The following COG5 variants were observed in gnomAD, a reference collection of about 807,000 sequenced individuals.
The protein encoded by COG5 is component of oligomeric golgi complex 5, also known as conserved oligomeric Golgi complex subunit 5.
In COG5, 86 loss-of-function variants were observed where a neutral mutation model predicts 110.4. That is an observed-to-expected ratio of 0.78 (90% CI 0.65 to 0.93). COG5 has a LOEUF of 0.93. Ranked by LOEUF, COG5 falls within the 40% of genes least tolerant of loss-of-function variation. The pLI is 0.00. For missense variants in COG5, 1,077 were observed against 987.0 expected, an observed-to-expected ratio of 1.09 and a Z score of -1.22; for synonymous variants, 360 against 334.6, an observed-to-expected ratio of 1.08 and a Z score of -0.83.
At chr7:107,476,447 T>C (rs376588790) in intron 6 of COG5, among the ~76,000 whole-genome samples, 2 of 151,606 alleles carry the variant, frequency 1.3e-5, no homozygotes, top group Non-Finnish European at 3.0e-5. Flanking sequence ...TTGTTTTATT[T>C]CCACACTGAA....
At chr7:107,372,504 A>C in intron 8 of COG5, 91 bp downstream of exon 8, 1 of 1,234,576 alleles carries the variant, frequency 8.1e-7, no homozygotes, top group Non-Finnish European at 1.2e-6. Flanking sequence ...GAGTCATTAG[A>C]TTGCTTTGAA....
intron 7 of COG5, among the ~76,000 whole-genome samples, chr7:107,385,793 G>A (rs1038325608): frequency 1.3e-5 from 2 of 150,036 alleles, no homozygotes; most frequent in African/African-American, 4.9e-5. Context: ...CCTTGCCAAC[G>A]CTTGTTATTT....
intron 14 of COG5, among the ~76,000 whole-genome samples, chr7:107,259,769 T>G (rs62483640): frequency 0.19 from 28,772 of 152,072 alleles, 3,343 homozygotes; most frequent in East Asian, 0.33. Context: ...TATTTCAATT[T>G]GTTTTGTGTG....
At chr7:107,335,976 C>T (rs75539395) in intron 10 of COG5, among the ~76,000 whole-genome samples, 2,859 of 151,996 alleles carry the variant, frequency 0.019, 90 homozygotes, top group African/African-American at 0.064. Flanking sequence ...ATAAAGAAAA[C>T]GTTAACGTAT....
intron 6 of COG5, among the ~76,000 whole-genome samples, chr7:107,454,327 CTG>C (rs1308603572): frequency 2.4e-4 from 36 of 152,228 alleles, no homozygotes; most frequent in Non-Finnish European, 4.4e-4. Context: ...TGTTTTACCT[CTG>C]GGAGTTGCAG....
intron 5 of COG5, among the ~76,000 whole-genome samples, chr7:107,528,927 A>T (rs1466627828): frequency 6.6e-6 from 1 of 151,208 alleles, no homozygotes; most frequent in Non-Finnish European, 1.5e-5. Flanking sequence ...AACATAAAAC[A>T]AACATATATT....
intron 6 of COG5, among the ~76,000 whole-genome samples, chr7:107,449,633 T>C (rs777822105): frequency 2.0e-5 from 3 of 152,210 alleles, no homozygotes; most frequent in Admixed American, 6.5e-5. Context: ...CTTAGTGATG[T>C]TGTTGGAAGT....
intron 6 of COG5, among the ~76,000 whole-genome samples, chr7:107,482,672 C>T (rs1293009934): frequency 2.6e-5 from 4 of 151,880 alleles, no homozygotes; most frequent in African/African-American, 9.7e-5. Context: ...ATACTATAAT[C>T]CAGTACTACA....
intron 5 of COG5, among the ~76,000 whole-genome samples, chr7:107,538,753 G>GA (rs34214783): frequency 2.4e-3 from 332 of 140,112 alleles, no homozygotes; most frequent in African/African-American, 3.4e-3. Context: ...CCCAAGAATT[G>GA]AAAAAAAAAA....
At chr7:107,439,040 C>T (rs1794542954) in intron 6 of COG5, among the ~76,000 whole-genome samples, 1 of 152,120 alleles carries the variant, frequency 6.6e-6, no homozygotes, top group Non-Finnish European at 1.5e-5. Context: ...ATCACCACTT[C>T]CTGACCTCTT....
Position 107,362,054 on chromosome 7 carries a change from A to G in COG5, c.1005T>C (p.Cys335=). ...ATACCTTAACTATTTCTTCAATGAA[A>G]CAAATGTGAGAAACAGGATCTCTCT... ...AKKRDPVSHI[C]FIEEIVKDGQ... is the part of the protein sequence containing the mutation. The change falls in exon 10 of 22, where the codon TGT becomes TGC. Residue 335 remains cysteine (C), a synonymous_variant. Coordinates refer to ENST00000297135, the MANE Select transcript of COG5 (RefSeq NM_006348.5). 1 of 1,606,924 alleles carries G rather than the reference A, an allele frequency of 6.2e-7. No individual in the cohort carries two copies. The highest frequency in any genetic ancestry group is 8.5e-7 in the Non-Finnish European group (1 of 1,174,328).
At chr7:107,439,434 TACC>T (rs896146752) in intron 6 of COG5, among the ~76,000 whole-genome samples, 1 of 152,190 alleles carries the variant, frequency 6.6e-6, no homozygotes, top group Non-Finnish European at 1.5e-5. Context: ...CTTTTGTTCC[TACC>T]ACCACCAAAC....
chr7:107,505,975 G>T (rs1046161949), intron 6 of COG5, among the ~76,000 whole-genome samples: 2 of 152,174 alleles, frequency 1.3e-5, no homozygotes, highest in Non-Finnish European at 1.5e-5. Context: ...AGCTCTGATG[G>T]GGGTGGCAGG....
intron 6 of COG5, among the ~76,000 whole-genome samples, chr7:107,449,286 T>C (rs1413144849): frequency 6.6e-6 from 1 of 152,174 alleles, no homozygotes; most frequent in African/African-American, 2.4e-5. Context: ...GGCACATGTA[T>C]ACGTGCACGT....
intron 16 of COG5, among the ~76,000 whole-genome samples, chr7:107,255,586 G>A (rs1251137395): frequency 6.6e-6 from 1 of 151,842 alleles, no homozygotes; most frequent in South Asian, 2.1e-4. Flanking sequence ...CTAAATATGT[G>A]TTTCTCCATA....
rs1440276669 is a variant in COG5 at position 107,418,629 on chromosome 7, A to C, written c.539-5997T>G. On this transcript the variant is annotated intron_variant, in intron 6 of 21. Transcript: ENST00000297135. ...CATGGCTTGCTTTTTTTTTTTTTTT[A>C]AGTTTCATTAAAGAAACCTTAGAGA... is the stretch of plus-strand genomic sequence containing the variant. Among the ~76,000 whole-genome samples the C allele has an allele frequency of 2.1e-5, 3 of 144,544 alleles. No individual in the cohort carries two copies. The South Asian group carries it at 6.6e-4, about 32-fold the overall frequency. The allele number at this position is 144,544 out of a possible 152,430, so 94.8% of individuals were successfully genotyped here. A position where few individuals can be genotyped will look rare whatever the true frequency, so the allele number is the denominator to read the frequency against.
At chr7:107,274,430 C>G (rs772154033) in intron 14 of COG5, among the ~76,000 whole-genome samples, 1 of 152,036 alleles carries the variant, frequency 6.6e-6, no homozygotes, top group Non-Finnish European at 1.5e-5. Flanking sequence ...TATCTTCATT[C>G]TTTGCTATTT....
At chr7:107,261,013 T>C (rs1584587461) in intron 14 of COG5, among the ~76,000 whole-genome samples, 1 of 151,986 alleles carries the variant, frequency 6.6e-6, no homozygotes, top group East Asian at 1.9e-4. Context: ...GGAGGATTGG[T>C]TCCAGGACCG....
intron 10 of COG5, among the ~76,000 whole-genome samples, chr7:107,354,180 A>C (rs1325357861): frequency 1.3e-5 from 2 of 152,240 alleles, no homozygotes; most frequent in African/African-American, 4.8e-5. Context: ...GATTTGATAC[A>C]TTCAGAGGAA....
Sources: gnomAD v4.1 joint callset for allele counts (sites outside exome capture counted in the v4.1 genomes callset) on GRCh38, gnomAD v4.1.1 for gene constraint, MANE v1.5 for transcripts, NCBI Gene and HGNC (gene_info 2026-07-23, HGNC 2026-07-21) for gene names.